USP14: variants seen among roughly 807,000 people sequenced by gnomAD.
USP14 encodes ubiquitin specific peptidase 14.
A neutral mutation model predicts 76.5 loss-of-function variants in USP14; 38 were observed. The ratio of observed to expected loss-of-function variants is 0.50; its 90% CI spans 0.38 to 0.65. The LOEUF is 0.65. Among genes scored for constraint, USP14 ranks in the 30% least tolerant of loss-of-function variants. USP14 has a pLI of 0.00. For missense variants in USP14, 467 were observed against 586.5 expected, an observed-to-expected ratio of 0.80 and a Z score of 2.10; for synonymous variants, 192 against 191.7, an observed-to-expected ratio of 1.00 and a Z score of -0.01.
Position 163,445 on chromosome 18 carries a change from A to T in USP14, c.154A>T (p.Thr52Ser). 6.2e-7 allele frequency: 1 copy of T among 1,612,446 alleles called. No homozygotes were observed. Among genetic ancestry groups the T allele is most frequent in the East Asian group, 2.2e-5 (1 of 44,854 alleles). ...ARQKVMVKGGTLKDDDWGNIK... is the reference protein window; with the variant it reads ...ARQKVMVKGGSLKDDDWGNIK... ...ACAGAAAGTTATGGTGAAAGGAGGA[A>T]CGCTAAAGGTAAAATGTAGTCCAAA... The change falls in exon 2 of 16, where the codon ACG becomes TCG. Residue 52 changes from threonine to serine, a missense_variant. Coordinates refer to ENST00000261601, the MANE Select transcript of USP14 (RefSeq NM_005151.4).
intron 5 of USP14, among the ~76,000 whole-genome samples, chr18:191,710 T>C (rs1390348530): frequency 1.3e-5 from 2 of 152,216 alleles, no homozygotes; most frequent in South Asian, 2.1e-4. Context: ...AGTATCTAGC[T>C]TGGAGATCCA....
At chr18:170,727 C>G (rs1909417897) in intron 3 of USP14, among the ~76,000 whole-genome samples, 1 of 151,982 alleles carries the variant, frequency 6.6e-6, no homozygotes, top group Non-Finnish European at 1.5e-5. Flanking sequence ...GGTGAGGAAG[C>G]TACATTGTCC....
At position 163,998 on chromosome 18, in the gene USP14, G is replaced by T. The variant is rs926615130; in HGVS notation, c.162+545G>T. ...GTTTACTAGGGAACTAGCAGGTAATGATCTCCAGCTCCATCCATGTTGCTG... is the reference window on the plus strand; with the variant it reads ...GTTTACTAGGGAACTAGCAGGTAATTATCTCCAGCTCCATCCATGTTGCTG... On this transcript the variant is annotated intron_variant, in intron 2 of 15. Transcript: ENST00000261601. Among the ~76,000 whole-genome samples the T allele has an allele frequency of 1.9e-4, 29 of 152,104 alleles. 1 individual carries two copies. Among genetic ancestry groups the T allele is most frequent in the Admixed American group, 1.8e-3 (28 of 15,258 alleles).
At chr18:177,331 G>A (rs1254288879) in intron 3 of USP14, among the ~76,000 whole-genome samples, 1 of 151,368 alleles carries the variant, frequency 6.6e-6, no homozygotes, top group Non-Finnish European at 1.5e-5. Context: ...CTGAGATGGG[G>A]GGATCACTTG....
intron 5 of USP14, among the ~76,000 whole-genome samples, chr18:192,147 G>A (rs1910106942): frequency 6.6e-6 from 1 of 152,204 alleles, no homozygotes; most frequent in African/African-American, 2.4e-5. Context: ...CTGAATGTAG[G>A]TGTATGATTT....
chr18:186,079 T>A (rs970160558), intron 5 of USP14, among the ~76,000 whole-genome samples: 1 of 152,126 alleles, frequency 6.6e-6, no homozygotes. Context: ...AGTCTACATA[T>A]TTGATATTCA....
At chr18:165,867 C>A (rs1909256005) in intron 2 of USP14, among the ~76,000 whole-genome samples, 2 of 151,982 alleles carry the variant, frequency 1.3e-5, no homozygotes, top group African/African-American at 4.8e-5. Context: ...ATTAGTGGCA[C>A]CAATGAAGGG....
intron 13 of USP14, among the ~76,000 whole-genome samples, chr18:207,846 A>G (rs911088506): frequency 2.0e-5 from 3 of 152,132 alleles, no homozygotes; most frequent in Non-Finnish European, 4.4e-5. Context: ...TGCTTTTGTA[A>G]ATGGCATTCC....
chr18:199,906 C>T (rs971500516), intron 10 of USP14, among the ~76,000 whole-genome samples: 4 of 152,190 alleles, frequency 2.6e-5, no homozygotes, highest in African/African-American at 9.7e-5. Flanking sequence ...CTTGTGGTGA[C>T]TTTGTAGAAC....
chr18:195,955 G>A (rs546349357), intron 6 of USP14, among the ~76,000 whole-genome samples: 1 of 152,216 alleles, frequency 6.6e-6, no homozygotes, highest in South Asian at 2.1e-4. Flanking sequence ...GTCTTCTGGT[G>A]AGTTAAGATT....
intron 6 of USP14, 54 bp downstream of exon 6, chr18:192,954 G>A (rs371367121): frequency 4.1e-6 from 6 of 1,479,652 alleles, no homozygotes; most frequent in Admixed American, 1.9e-5. Context: ...TCTATTTTTC[G>A]CTCACAATCC....
At chr18:163,225 A>T in intron 1 of USP14, 83 bp from the exon 2 acceptor site, 1 of 1,307,600 alleles carries the variant, frequency 7.6e-7, no homozygotes, top group South Asian at 1.5e-5. Context: ...ACTCCCGATA[A>T]CTGCCTAATT....
At position 211,094 on chromosome 18, in the gene USP14, T is replaced by C. The variant is rs762160698; in HGVS notation, c.1334-39T>C. ...TGCAGTGGAACTCTGAGACGAATCC[T>C]GCATAACATTAATTCATCTTCTTGT... On this transcript the variant is annotated intron_variant, in intron 15 of 15. Transcript: ENST00000261601. The C allele has an allele frequency of 6.9e-6, 11 of 1,592,968 alleles. No homozygotes were observed. The Admixed American group carries it at 1.9e-4, about 27-fold the overall frequency.
In USP14 at chr18:183,178, C is replaced by T. The variant is rs1169963649; in HGVS notation, c.404+2839C>T. On this transcript the variant is annotated intron_variant, in intron 5 of 15. Transcript: ENST00000261601. ...CCTTGGATGATAATATTGCTTGGAG[C>T]AAGAGTCTAGGTCAAAGCCATTTTT... is the stretch of plus-strand genomic sequence containing the variant. 2.6e-5 allele frequency among the ~76,000 whole-genome samples: 4 copies of T among 152,008 alleles called. No individual in the cohort carries two copies. In the East Asian group the frequency reaches 7.7e-4, roughly 29 times the overall value.
chr18:203,306 G>C, intron 12 of USP14, 116 bp downstream of exon 12: 1 of 918,904 alleles, frequency 1.1e-6, no homozygotes. Flanking sequence ...AAATATTTAG[G>C]GGAGCTAATA....
At chr18:195,944 G>A (rs1293518731) in intron 6 of USP14, among the ~76,000 whole-genome samples, 1 of 152,088 alleles carries the variant, frequency 6.6e-6, no homozygotes, top group African/African-American at 2.4e-5. Context: ...TGCTTTGTAA[G>A]GTCTTCTGGT....
At chr18:180,675 T>C (rs1909762411) in intron 5 of USP14, among the ~76,000 whole-genome samples, 1 of 152,240 alleles carries the variant, frequency 6.6e-6, no homozygotes, top group Non-Finnish European at 1.5e-5. Flanking sequence ...TTGAATCGTA[T>C]AATATGTGGC....
In USP14 at chr18:211,392, C is replaced by A; in HGVS notation, c.*108C>A. The A allele has an allele frequency of 8.1e-7, 1 of 1,227,972 alleles. No homozygotes were observed. Among genetic ancestry groups the A allele is most frequent in the East Asian group, 2.5e-5 (1 of 39,766 alleles). 76.1% of individuals were successfully genotyped at this position (1,227,972 alleles called of 1,614,324 possible). A position where few individuals can be genotyped will look rare whatever the true frequency, so the allele number is the denominator to read the frequency against. ...ACACATAGGTGGGTTTATGTTTCACCTCATTTGGAACAAAAGAGGACAGAA... is the reference window on the plus strand; with the variant it reads ...ACACATAGGTGGGTTTATGTTTCACATCATTTGGAACAAAAGAGGACAGAA... On this transcript the variant is annotated 3_prime_UTR_variant, in exon 16 of 16. Transcript: ENST00000261601.
At chr18:166,680 A>T in intron 2 of USP14, 107 bp from the exon 3 acceptor site, 2 of 1,320,052 alleles carry the variant, frequency 1.5e-6, no homozygotes, top group Non-Finnish European at 2.1e-6. Flanking sequence ...ATCTGCATAT[A>T]GGATAAATTT....
Sources: allele counts gnomAD v4.1 joint callset (sites outside exome capture counted in the v4.1 genomes callset), GRCh38; gene constraint gnomAD v4.1.1; transcripts MANE v1.5; gene names NCBI Gene and HGNC (gene_info 2026-07-23, HGNC 2026-07-21).